The following LIPK variants were observed in gnomAD, a reference collection of about 807,000 sequenced individuals.
The protein encoded by LIPK is lipase family member K, also known as lipase member K.
LIPK carries 32 observed loss-of-function variants against 48.6 expected under a neutral mutation model. That is an observed-to-expected ratio of 0.66 (90% CI 0.50 to 0.88). LIPK has a LOEUF of 0.88. LIPK is among the 40% of genes least tolerant of loss of function. The probability of loss-of-function intolerance (pLI) is 0.00; values close to 1 mark genes in which losing one functional copy is unlikely to be tolerated. For missense variants in LIPK, 507 were observed against 478.5 expected, an observed-to-expected ratio of 1.06 and a Z score of -0.56; for synonymous variants, 164 against 157.4, an observed-to-expected ratio of 1.04 and a Z score of -0.32.
intron 2 of LIPK, among the ~76,000 whole-genome samples, chr10:88,725,925 T>C (rs1052784402): frequency 6.6e-6 from 1 of 152,192 alleles, no homozygotes; most frequent in Non-Finnish European, 1.5e-5. Context: ...ATTCAGCCAA[T>C]GGAAATGGTG....
intron 4 of LIPK, 42 bp downstream of exon 4, chr10:88,731,223 C>T (rs1423340186): frequency 1.4e-6 from 2 of 1,417,646 alleles, no homozygotes; most frequent in African/African-American, 1.5e-5. Flanking sequence ...GTACTTTCCT[C>T]ATGCATATGT....
intron 8 of LIPK, among the ~76,000 whole-genome samples, chr10:88,741,701 C>G (rs1437911251): frequency 6.6e-6 from 1 of 151,952 alleles, no homozygotes; most frequent in African/African-American, 2.4e-5. Flanking sequence ...GGGAGTAATA[C>G]TAGTGAAAAA....
intron 1 of LIPK, 46 bp from the exon 2 acceptor site, chr10:88,724,487 G>A: frequency 1.7e-6 from 2 of 1,178,506 alleles, no homozygotes; most frequent in South Asian, 1.4e-5. Flanking sequence ...ATTTCACTTC[G>A]TAGAATTTAT....
intron 3 of LIPK, among the ~76,000 whole-genome samples, chr10:88,730,352 C>T (rs1842438609): frequency 6.6e-6 from 1 of 151,444 alleles, no homozygotes; most frequent in Non-Finnish European, 1.5e-5. Flanking sequence ...TGCAGTGTGG[C>T]GATCTCGGCT....
chr10:88,721,824 G>T (rs955914704), intron 1 of LIPK, among the ~76,000 whole-genome samples: 1 of 152,178 alleles, frequency 6.6e-6, no homozygotes, highest in African/African-American at 2.4e-5. Flanking sequence ...AAAGCCTTGA[G>T]AGAGAAGACC....
chr10:88,709,531 G>T (rs1217887276), intron 1 of LIPK, among the ~76,000 whole-genome samples: 1 of 152,002 alleles, frequency 6.6e-6, no homozygotes, highest in Non-Finnish European at 1.5e-5. Flanking sequence ...GCGGTGTTTG[G>T]ATTTTTGTTC....
Position 88,750,008 on chromosome 10 carries a change from A to T in LIPK, c.961-2509A>T, listed in dbSNP as rs760464086. Among the ~76,000 whole-genome samples, 11 of 152,226 alleles carry T rather than the reference A, an allele frequency of 7.2e-5. 1 individual carries two copies. The highest frequency in any genetic ancestry group is 2.1e-4 in the South Asian group (1 of 4,834). ...AAAAGTTAGCAAAGTACATGAACAA[A>T]CACTTCTCAAAAGAAGACATACATG... On this transcript the variant is annotated intron_variant, in intron 9 of 9. Coordinates refer to ENST00000404190, the MANE Select transcript of LIPK (RefSeq NM_001080518.2).
chr10:88,748,905 T>C (rs1162055052), intron 9 of LIPK, among the ~76,000 whole-genome samples: 2 of 148,104 alleles, frequency 1.4e-5, no homozygotes, highest in South Asian at 2.2e-4. Flanking sequence ...ATAGTCTCAT[T>C]CTAAAGGCTC....
intron 3 of LIPK, among the ~76,000 whole-genome samples, chr10:88,730,536 C>T (rs557615003): frequency 7.1e-4 from 108 of 152,236 alleles, no homozygotes; most frequent in Admixed American, 1.2e-3. Flanking sequence ...GTGATCTGCC[C>T]GCCTCAGCTC....
At chr10:88,743,183 T>C in intron 8 of LIPK, 67 bp from the exon 9 acceptor site, 1 of 1,038,778 alleles carries the variant, frequency 9.6e-7, no homozygotes, top group Non-Finnish European at 1.4e-6. Context: ...TTTGTATATT[T>C]CTTCTGTACT....
intron 3 of LIPK, chr10:88,728,138 C>T (rs993005524): frequency 1.3e-5 from 3 of 238,292 alleles, no homozygotes; most frequent in Non-Finnish European, 2.6e-5. Context: ...ACATGAACAA[C>T]GTAGAATAAG....
intron 1 of LIPK, among the ~76,000 whole-genome samples, chr10:88,717,629 CT>C (rs1183628075): frequency 6.6e-6 from 1 of 152,160 alleles, no homozygotes; most frequent in Non-Finnish European, 1.5e-5. Context: ...GGATAATAAA[CT>C]TTTCCTCCTC....
intron 1 of LIPK, among the ~76,000 whole-genome samples, chr10:88,720,481 C>A (rs1369921983): frequency 6.6e-6 from 1 of 151,900 alleles, no homozygotes; most frequent in Non-Finnish European, 1.5e-5. Flanking sequence ...CACAAGTTTA[C>A]GTATATAACA....
chr10:88,735,148 A>G (rs570288328), intron 6 of LIPK, among the ~76,000 whole-genome samples: 3 of 152,318 alleles, frequency 2.0e-5, no homozygotes, highest in African/African-American at 4.8e-5. Flanking sequence ...GTAACCTTGG[A>G]CAAGTTATTT....
At chr10:88,726,608 A>T (rs1842346938) in intron 2 of LIPK, among the ~76,000 whole-genome samples, 187 bp from the exon 3 acceptor site, 1 of 152,156 alleles carries the variant, frequency 6.6e-6, no homozygotes. Context: ...GTGGGAGGAT[A>T]GCTTGAGCCG....
intron 9 of LIPK, among the ~76,000 whole-genome samples, chr10:88,747,118 A>G (rs1842779895): frequency 6.6e-6 from 1 of 152,224 alleles, no homozygotes; most frequent in South Asian, 2.1e-4. Flanking sequence ...CTGAATCAGT[A>G]CTAAAACACT....
chr10:88,725,202 G>A (rs549076762), intron 2 of LIPK, among the ~76,000 whole-genome samples: 1 of 152,214 alleles, frequency 6.6e-6, no homozygotes, highest in South Asian at 2.1e-4. Flanking sequence ...TGTACCATAC[G>A]CAAGTTGTAT....
At position 88,726,778 on chromosome 10, in the gene LIPK, T is replaced by C; in HGVS notation, c.106-17T>C. The C allele has an allele frequency of 8.4e-7, 1 of 1,191,180 alleles. No individual in the cohort carries two copies. The allele number at this position is 1,191,180 out of a possible 1,614,324, so 73.8% of individuals were successfully genotyped here. On this transcript the variant is annotated splice_polypyrimidine_tract_variant and intron_variant, in intron 2 of 9. Coordinates refer to ENST00000404190, the MANE Select transcript of LIPK (RefSeq NM_001080518.2). ...AGATTATAACATGAAGGTATATATT[T>C]CCTTTCCTCTTTTTAGAGCCAGATT...
intron 9 of LIPK, among the ~76,000 whole-genome samples, chr10:88,749,303 T>C (rs1170096606): frequency 6.6e-6 from 1 of 152,198 alleles, no homozygotes; most frequent in Admixed American, 6.5e-5. Context: ...GAAGCCTGAA[T>C]AGTCAAGGCA....
Sources: gnomAD v4.1 joint callset for allele counts (sites outside exome capture counted in the v4.1 genomes callset) on GRCh38, gnomAD v4.1.1 for gene constraint, MANE v1.5 for transcripts, NCBI Gene and HGNC (gene_info 2026-07-23, HGNC 2026-07-21) for gene names.